AQP8: variants seen among roughly 807,000 people sequenced by gnomAD.
The protein encoded by AQP8 is aquaporin 8, also known as aquaporin-8.
A neutral mutation model predicts 26.1 loss-of-function variants in AQP8; 14 were observed. That is an observed-to-expected ratio of 0.54 (90% CI 0.35 to 0.84). The LOEUF is 0.84. Among genes scored for constraint, AQP8 ranks in the 40% least tolerant of loss-of-function variants. The pLI is 0.01. For missense variants in AQP8, 301 were observed against 340.5 expected (o/e 0.88, Z 0.91); for synonymous variants, 131 against 150.7 (o/e 0.87, Z 0.96).
chr16:25,217,513 T>C, intron 2 of AQP8, 68 bp downstream of exon 2: 1 of 1,579,968 alleles, frequency 6.3e-7, no homozygotes, highest in Non-Finnish European at 8.6e-7. Context: ...GCAAAGGCGT[T>C]GTCAAGGACC....
In AQP8 at chr16:25,221,503, G is replaced by A. The variant is rs1246849945; in HGVS notation, c.307G>A (p.Gly103Arg). The change falls in exon 3 of 6, where the codon GGA (glycine) becomes AGA (arginine). Residue 103 changes from glycine (G) to arginine (R), a missense_variant. Coordinates refer to ENST00000219660, the MANE Select transcript of AQP8 (RefSeq NM_001169.3). ...PAVSLAAMLI[G>R]GLNLVMLLPY... ...GGTGTCCCTGGCAGCCATGCTGATC[G>A]GAGGCCTCAACCTGGTGATGCTCCT... is the stretch of plus-strand genomic sequence containing the variant. 5.6e-6 allele frequency: 9 copies of A among 1,614,092 alleles called. No individual in the cohort carries two copies. Among genetic ancestry groups the A allele is most frequent in the East Asian group, 2.2e-5 (1 of 44,868 alleles).
intron 4 of AQP8, among the ~76,000 whole-genome samples, chr16:25,226,018 T>A (rs1253416090): frequency 6.6e-6 from 1 of 152,208 alleles, no homozygotes; most frequent in Admixed American, 6.5e-5. Context: ...ACAGAGAGGT[T>A]CATGGAGGTT....
At chr16:25,226,739 T>C (rs1269327024) in intron 4 of AQP8, among the ~76,000 whole-genome samples, 1 of 152,210 alleles carries the variant, frequency 6.6e-6, no homozygotes, top group East Asian at 1.9e-4. Context: ...TCCAAAAGGA[T>C]TGAAACTGAT....
chr16:25,220,049 AAAAC>A (rs1304756617), intron 2 of AQP8, among the ~76,000 whole-genome samples: 19 of 152,120 alleles, frequency 1.2e-4, no homozygotes, highest in African/African-American at 2.6e-4. Flanking sequence ...AAAAAAACAA[AAAAC>A]AAAAAACAAA....
In AQP8 at chr16:25,220,104, C is replaced by A. The variant is rs373286202; in HGVS notation, c.261-1353C>A. Among the ~76,000 whole-genome samples, 9 of 152,046 alleles carry A rather than the reference C, an allele frequency of 5.9e-5. 2 individuals carry two copies. The highest frequency in any genetic ancestry group is 1.9e-4 in the East Asian group (1 of 5,172). On this transcript the variant is annotated intron_variant, in intron 2 of 5. Transcript: ENST00000219660. Reference sequence around the variant, plus strand: ...CATGGAGCTTATCTGAGGGCCTGGGCCCAGAGCTGAGCCAGACAAGTTGGG... The same window carrying A: ...CATGGAGCTTATCTGAGGGCCTGGGACCAGAGCTGAGCCAGACAAGTTGGG...
At chr16:25,226,225 C>T (rs1225416007) in intron 4 of AQP8, among the ~76,000 whole-genome samples, 1 of 151,936 alleles carries the variant, frequency 6.6e-6, no homozygotes, top group Non-Finnish European at 1.5e-5. Context: ...GTGTCACAAA[C>T]AATCCACTTA....
chr16:25,217,585 C>G lies in AQP8; in HGVS notation c.260+140C>G, dbSNP rs190498934. The G allele has an allele frequency of 3.4e-4, 412 of 1,208,440 alleles. 1 individual carries two copies. The African/African-American group carries it at 5.8e-3, about 17-fold the overall frequency. The allele number at this position is 1,208,440 out of a possible 1,614,324, so 74.9% of individuals were successfully genotyped here. ...TCTGGATAACTATGGGGTTGGGAGT[C>G]AGACTGGGGTCAACTCCAGACCCCG... On this transcript the variant is annotated intron_variant, in intron 2 of 5. Transcript: ENST00000219660.
chr16:25,218,882 AAAACAAAC>A lies in AQP8; in HGVS notation c.260+1457_260+1464del, dbSNP rs751686924. On this transcript the variant is annotated intron_variant, in intron 2 of 5. Transcript: ENST00000219660. ...CAACAGAGTGAGACTCCATCTCCAAAAAACAAACAAACAAACAAACAAACAAAAAACAA... is the reference window on the plus strand; with the variant it reads ...CAACAGAGTGAGACTCCATCTCCAAAAAACAAACAAACAAACAAAAAACAA... 1.2e-4 allele frequency among the ~76,000 whole-genome samples: 18 copies of A among 151,072 alleles called. 2 individuals carry two copies. Among genetic ancestry groups the A allele is most frequent in the African/African-American group, 3.4e-4 (14 of 40,832 alleles).
chr16:25,221,106 T>C (rs917612853), intron 2 of AQP8, among the ~76,000 whole-genome samples: 2 of 152,102 alleles, frequency 1.3e-5, no homozygotes, highest in African/African-American at 2.4e-5. Context: ...GGCTACTAAC[T>C]TGGAGCCTTG....
In AQP8 at chr16:25,224,438, C is replaced by T; in HGVS notation, c.464C>T (p.Ala155Val). ...FVTVQEQGQV[A>V]GALVAEIILT... ...ACAGTCCAGGAGCAGGGGCAGGTGGCAGGGGCGTTGGTGGCAGAGATCATC... is the reference window on the plus strand; with the variant it reads ...ACAGTCCAGGAGCAGGGGCAGGTGGTAGGGGCGTTGGTGGCAGAGATCATC... The change falls in exon 4 of 6, where the codon GCA becomes GTA. Residue 155 changes from alanine to valine, a missense_variant. Physicochemically the swap from Ala to Val is moderately conservative, Grantham distance 64. Coordinates refer to ENST00000219660, the MANE Select transcript of AQP8 (RefSeq NM_001169.3). The T allele has an allele frequency of 6.2e-7, 1 of 1,614,150 alleles. No individual in the cohort carries two copies. Among genetic ancestry groups the T allele is most frequent in the Non-Finnish European group, 8.5e-7 (1 of 1,180,040 alleles).
chr16:25,221,326 T>A, intron 2 of AQP8, 131 bp from the exon 3 acceptor site: 1 of 1,118,104 alleles, frequency 8.9e-7, no homozygotes, highest in Non-Finnish European at 1.3e-6. Flanking sequence ...CTCTTTGTAT[T>A]TGAGCTGGGC....
intron 4 of AQP8, among the ~76,000 whole-genome samples, chr16:25,225,430 T>C (rs1962617270): frequency 6.6e-6 from 1 of 151,182 alleles, no homozygotes; most frequent in African/African-American, 2.4e-5. Flanking sequence ...GCTGTGGCCA[T>C]GCTTTGCTGC....
chr16:25,219,936 G>A (rs1472005439), intron 2 of AQP8, among the ~76,000 whole-genome samples: 1 of 152,188 alleles, frequency 6.6e-6, no homozygotes, highest in African/African-American at 2.4e-5. Flanking sequence ...TTGGGAGGCT[G>A]AAGCAGAAGA....
intron 2 of AQP8, among the ~76,000 whole-genome samples, chr16:25,218,235 G>T (rs1962513590): frequency 6.6e-6 from 1 of 152,206 alleles, no homozygotes; most frequent in African/African-American, 2.4e-5. Flanking sequence ...CTAGAAGGGG[G>T]TTTTAGGGAA....
intron 2 of AQP8, among the ~76,000 whole-genome samples, chr16:25,218,971 T>TCTTC (rs1962522829): frequency 6.6e-6 from 1 of 151,420 alleles, no homozygotes; most frequent in South Asian, 2.1e-4. Flanking sequence ...AAGTACATGA[T>TCTTC]CTTCCCTTTG....
rs1962604873 is a variant in AQP8, at chr16:25,224,451, G to A, written c.477G>A (p.Val159=). 5.6e-6 allele frequency: 9 copies of A among 1,614,182 alleles called. No individual in the cohort carries two copies. The highest frequency in any genetic ancestry group is 7.6e-6 in the Non-Finnish European group (9 of 1,180,038). ...QEQGQVAGAL[V]AEIILTTLLA... is the part of the protein sequence containing the mutation. ...AGGGGCAGGTGGCAGGGGCGTTGGT[G>A]GCAGAGATCATCCTGACGACGCTGC... Residue 159 remains valine, a synonymous_variant, in exon 4 of 6, where the codon GTG becomes GTA. Transcript: ENST00000219660.
At chr16:25,222,304 CT>C (rs1962573581) in intron 3 of AQP8, among the ~76,000 whole-genome samples, 1 of 152,134 alleles carries the variant, frequency 6.6e-6, no homozygotes, top group South Asian at 2.1e-4. Flanking sequence ...CACTATTGTC[CT>C]ATGACCCTGC....
rs141264428 is a variant in AQP8, at chr16:25,222,458, T to C, written c.387+875T>C. On this transcript the variant is annotated intron_variant, in intron 3 of 5. Transcript: ENST00000219660. ...CTGGCCTCAAGTGATCTTCCTGCCT[T>C]GGCCTCCCAAAGTGCTGGGATTACA... Among the ~76,000 whole-genome samples, 273 of 152,298 alleles carry C rather than the reference T, an allele frequency of 1.8e-3. 3 individuals are homozygous for C. Among genetic ancestry groups the C allele is most frequent in the African/African-American group, 5.7e-3 (236 of 41,562 alleles).
chr16:25,219,548 G>A lies in AQP8; in HGVS notation c.261-1909G>A, dbSNP rs189250232. Among the ~76,000 whole-genome samples, 3 of 151,554 alleles carry A rather than the reference G, an allele frequency of 2.0e-5. 1 individual carries two copies. Among genetic ancestry groups the A allele is most frequent in the East Asian group, 1.9e-4 (1 of 5,188 alleles). ...GTAAACCAGGAAATGTGTGGTTTTC[G>A]TCACCTGGCCCTCCTGATAGAGCCA... On this transcript the variant is annotated intron_variant, in intron 2 of 5. Transcript: ENST00000219660.
Sources: allele counts gnomAD v4.1 joint callset (sites outside exome capture counted in the v4.1 genomes callset), GRCh38; gene constraint gnomAD v4.1.1; transcripts MANE v1.5; gene names NCBI Gene and HGNC (gene_info 2026-07-23, HGNC 2026-07-21).